MANBA: variants seen among roughly 807,000 people sequenced by gnomAD.
MANBA encodes the protein mannosidase beta, also known as beta-mannosidase.
Under a neutral mutation model 111.1 loss-of-function variants are expected in MANBA, and 83 were observed. The ratio of observed to expected loss-of-function variants is 0.75; its 90% CI spans 0.63 to 0.90. The LOEUF (loss-of-function observed/expected upper bound fraction) is 0.90, where lower values mean the gene tolerates loss of function less well. Among genes scored for constraint, MANBA ranks in the 40% least tolerant of loss-of-function variants. The pLI is 0.00. For synonymous variants in MANBA, 370 were observed against 378.7 expected (o/e 0.98, Z 0.27); for missense variants, 1,036 against 1,069.0 (o/e 0.97, Z 0.43).
chr4:102,752,229 ATGTT>A, intron 1 of MANBA: 2 of 916,710 alleles, frequency 2.2e-6, no homozygotes, highest in South Asian at 1.3e-5. Flanking sequence ...AGAGTGTAGG[ATGTT>A]GAGTCTGACA....
At chr4:102,677,027 G>A (rs1731757733) in intron 7 of MANBA, among the ~76,000 whole-genome samples, 2 of 152,166 alleles carry the variant, frequency 1.3e-5, no homozygotes, top group Non-Finnish European at 2.9e-5. Flanking sequence ...CCTGCATTAT[G>A]AAATGAGCAA....
At chr4:102,729,322 A>T in intron 1 of MANBA, 1 of 755,186 alleles carries the variant, frequency 1.3e-6, no homozygotes, top group Non-Finnish European at 2.5e-6. Flanking sequence ...CTCATCCTTG[A>T]TCTGGTACAT....
At chr4:102,667,071 G>A (rs1731260496) in intron 10 of MANBA, 1 of 152,064 alleles carries the variant, frequency 6.6e-6, no homozygotes, top group Non-Finnish European at 1.5e-5. Context: ...ATCTCAAATT[G>A]TCCCCCTTTT....
intron 5 of MANBA, among the ~76,000 whole-genome samples, chr4:102,695,107 G>A (rs549648874): frequency 5.9e-5 from 9 of 152,264 alleles, no homozygotes; most frequent in African/African-American, 1.7e-4. Context: ...CTAGATTAAT[G>A]TATACTGCTC....
chr4:102,713,744 A>G (rs1722185220), intron 5 of MANBA, among the ~76,000 whole-genome samples: 1 of 151,982 alleles, frequency 6.6e-6, no homozygotes, highest in Non-Finnish European at 1.5e-5. Flanking sequence ...TAAAAATACA[A>G]AATTAGCTGG....
chr4:102,640,414 G>A (rs190078814), intron 13 of MANBA, among the ~76,000 whole-genome samples: 12 of 152,234 alleles, frequency 7.9e-5, no homozygotes, highest in African/African-American at 2.2e-4. Flanking sequence ...CAATTCCTTC[G>A]TTGTAGCAGA....
At chr4:102,667,941 A>C (rs1400889700) in intron 10 of MANBA, 2 of 152,216 alleles carry the variant, frequency 1.3e-5, no homozygotes, top group African/African-American at 2.4e-5. Flanking sequence ...CTCCTGGTGC[A>C]GTGATCATTT....
chr4:102,723,710 G>T, intron 3 of MANBA, 152 bp downstream of exon 3: 1 of 609,424 alleles, frequency 1.6e-6, no homozygotes. Context: ...TTCCACAAAT[G>T]TGGCAACTGA....
chr4:102,702,982 C>G (rs1206207387), intron 5 of MANBA, among the ~76,000 whole-genome samples: 3 of 152,214 alleles, frequency 2.0e-5, no homozygotes, highest in African/African-American at 2.4e-5. Flanking sequence ...GTTTTAATAA[C>G]TACTTTATCC....
At chr4:102,656,853 A>T (rs1001202900) in intron 12 of MANBA, among the ~76,000 whole-genome samples, 1 of 152,022 alleles carries the variant, frequency 6.6e-6, no homozygotes, top group African/African-American at 2.4e-5. Flanking sequence ...TTCCAATTAT[A>T]TGAAATATGA....
At chr4:102,735,826 C>T (rs968959150) in intron 1 of MANBA, among the ~76,000 whole-genome samples, 10 of 152,158 alleles carry the variant, frequency 6.6e-5, no homozygotes, top group Non-Finnish European at 1.5e-4. Context: ...ATAATAAACA[C>T]GTACAGTAAA....
chr4:102,717,424 CTTT>C (rs1239871326), intron 4 of MANBA, among the ~76,000 whole-genome samples: 1 of 134,458 alleles, frequency 7.4e-6, no homozygotes, highest in Non-Finnish European at 1.6e-5. Flanking sequence ...CAGGCAGGAA[CTTT>C]TTTTTTTTTT....
intron 1 of MANBA, among the ~76,000 whole-genome samples, chr4:102,740,090 A>C (rs1560808447): frequency 6.6e-6 from 1 of 152,258 alleles, no homozygotes; most frequent in African/African-American, 2.4e-5. Context: ...TAAATTCAGC[A>C]AAGTTTTGGG....
chr4:102,639,091 C>T (rs1274630590), intron 14 of MANBA, among the ~76,000 whole-genome samples: 3 of 152,130 alleles, frequency 2.0e-5, no homozygotes, highest in South Asian at 2.1e-4. Flanking sequence ...TGGGATAATT[C>T]GAACTGCAGG....
At chr4:102,704,462 G>A (rs1262325346) in intron 5 of MANBA, among the ~76,000 whole-genome samples, 8 of 152,002 alleles carry the variant, frequency 5.3e-5, no homozygotes, top group Admixed American at 2.0e-4. Flanking sequence ...GAGCCACCAC[G>A]CCCAGCCTTG....
At chr4:102,740,135 C>T (rs920399864) in intron 1 of MANBA, among the ~76,000 whole-genome samples, 5 of 152,176 alleles carry the variant, frequency 3.3e-5, no homozygotes, top group African/African-American at 1.2e-4. Flanking sequence ...AGTAGCACTC[C>T]TATACACCAA....
In MANBA at chr4:102,689,951, T is replaced by C. The variant is rs113125567; in HGVS notation, c.850-267A>G. Among the ~76,000 whole-genome samples the C allele has an allele frequency of 0.019, 2,882 of 152,208 alleles. 50 individuals carry two copies. The highest frequency in any genetic ancestry group is 0.027 in the Middle Eastern group (8 of 294). ...GTGTTCAGAAAAACAACTCTCCCTA[T>C]CCCTAACACCGAGCTTACATTTATT... is the stretch of plus-strand genomic sequence containing the variant. On this transcript the variant is annotated intron_variant, in intron 6 of 16. Transcript: ENST00000647097.
chr4:102,634,116 C>T (rs1308644061), intron 16 of MANBA, among the ~76,000 whole-genome samples: 1 of 152,158 alleles, frequency 6.6e-6, no homozygotes, highest in Non-Finnish European at 1.5e-5. Flanking sequence ...TTTCCAACTG[C>T]TATGTGTAGG....
In MANBA at chr4:102,664,690, G is replaced by A. The variant is rs762283152; in HGVS notation, c.1480C>T (p.Leu494=). Residue 494 remains leucine (L), a synonymous_variant, in exon 11 of 17, where the codon CTG becomes TTG. Coordinates refer to ENST00000647097, the MANE Select transcript of MANBA (RefSeq NM_005908.4). The part of the protein sequence containing the change: ...LYVKNIRELV[L]AGDKSRPFIT... Reference sequence around the variant, plus strand: ...CATTAAAAATCATTACTTACTGCCAGTACGAGCTCTCTGATGTTTTTCACA... The same window carrying A: ...CATTAAAAATCATTACTTACTGCCAATACGAGCTCTCTGATGTTTTTCACA... 5 of 1,611,476 alleles carry A rather than the reference G, an allele frequency of 3.1e-6. No individual in the cohort carries two copies. In the South Asian group the frequency reaches 4.4e-5, roughly 14 times the overall value.
Sources: allele counts gnomAD v4.1 joint callset (sites outside exome capture counted in the v4.1 genomes callset), GRCh38; gene constraint gnomAD v4.1.1; transcripts MANE v1.5; gene names NCBI Gene and HGNC (gene_info 2026-07-23, HGNC 2026-07-21).